Variants in SMARCC1 observed in about 807,000 individuals in gnomAD.
SMARCC1 encodes SWI/SNF complex subunit SMARCC1.
Under a neutral mutation model 147.4 loss-of-function variants are expected in SMARCC1, and 43 were observed. The observed-to-expected ratio is 0.29, with a 90% CI of 0.23 to 0.38. The LOEUF is 0.38. Among genes scored for constraint, SMARCC1 ranks in the 10% least tolerant of loss-of-function variants. The pLI is 1.00. For synonymous variants in SMARCC1, 495 were observed against 484.4 expected, an observed-to-expected ratio of 1.02 and a Z score of -0.29; for missense variants, 1,119 against 1,381.1, an observed-to-expected ratio of 0.81 and a Z score of 3.01.
chr3:47,606,575 A>G (rs1373321603), intron 26 of SMARCC1, among the ~76,000 whole-genome samples: 2 of 152,200 alleles, frequency 1.3e-5, no homozygotes, highest in Non-Finnish European at 2.9e-5. Flanking sequence ...AGCACTCCTT[A>G]GATGTTCTGT....
intron 19 of SMARCC1, among the ~76,000 whole-genome samples, chr3:47,668,863 G>A (rs2033457556): frequency 6.6e-6 from 1 of 151,540 alleles, no homozygotes; most frequent in African/African-American, 2.4e-5. Context: ...CTAGCATGGG[G>A]GAAGGGAGAA....
chr3:47,737,203 C>A (rs1576426731), intron 4 of SMARCC1, among the ~76,000 whole-genome samples: 2 of 152,026 alleles, frequency 1.3e-5, no homozygotes, highest in Admixed American at 6.6e-5. Flanking sequence ...ACCAGCCTGG[C>A]TAACATGGCA....
intron 12 of SMARCC1, among the ~76,000 whole-genome samples, chr3:47,692,540 A>G (rs1273777506): frequency 1.3e-5 from 2 of 152,216 alleles, no homozygotes; most frequent in Non-Finnish European, 2.9e-5. Flanking sequence ...TTCTTATTCA[A>G]TTATATTATT....
chr3:47,628,056 TA>T (rs760127940), intron 24 of SMARCC1, among the ~76,000 whole-genome samples: 1,496 of 145,050 alleles, frequency 0.01, 15 homozygotes, highest in Non-Finnish European at 0.013. Flanking sequence ...TATATATATA[TA>T]TATTTTTTCT....
chr3:47,670,034 T>C (rs910054986), intron 19 of SMARCC1, among the ~76,000 whole-genome samples: 1 of 152,240 alleles, frequency 6.6e-6, no homozygotes, highest in African/African-American at 2.4e-5. Context: ...ATGACACCAA[T>C]TGTCTTAGTA....
intron 25 of SMARCC1, 31 bp from the exon 26 acceptor site, chr3:47,610,358 C>T (rs2032546176): frequency 1.2e-6 from 2 of 1,613,062 alleles, no homozygotes; most frequent in Admixed American, 1.7e-5. Context: ...AGAGAAATGA[C>T]ACCAGAAGAG....
Position 47,708,094 on chromosome 3 carries a change from T to TTTTC in SMARCC1, c.919-1565_919-1564insGAAA, listed in dbSNP as rs1559650588. On this transcript the variant is annotated intron_variant, in intron 9 of 27. Transcript: ENST00000254480. ...GTTGAATTTTTTTTCTTTTTTTTTT[T>TTTTC]TTTTTTTTTTTTTTTTTTTTTTTGA... Among the ~76,000 whole-genome samples, 106 of 108,226 alleles carry TTTTC rather than the reference T, an allele frequency of 9.8e-4. 1 individual carries two copies. Among genetic ancestry groups the TTTTC allele is most frequent in the South Asian group, 3.0e-3 (9 of 3,046 alleles). 71.0% of individuals were successfully genotyped at this position (108,226 alleles called of 152,430 possible). A position where few individuals can be genotyped will look rare whatever the true frequency, so the allele number is the denominator to read the frequency against.
At chr3:47,632,093 ATTC>A (rs1338785792) in intron 24 of SMARCC1, among the ~76,000 whole-genome samples, 2 of 152,160 alleles carry the variant, frequency 1.3e-5, no homozygotes, top group Non-Finnish European at 2.9e-5. Context: ...CTGGAGAGAA[ATTC>A]TTCTTTGGAC....
chr3:47,780,760 C>G (rs1349223703), intron 1 of SMARCC1, among the ~76,000 whole-genome samples: 1 of 151,902 alleles, frequency 6.6e-6, no homozygotes, highest in Non-Finnish European at 1.5e-5. Flanking sequence ...GCTGGGGAGC[C>G]TTTTCGGCTA....
intron 4 of SMARCC1, among the ~76,000 whole-genome samples, chr3:47,737,229 A>G (rs1394068079): frequency 6.6e-6 from 1 of 152,042 alleles, no homozygotes; most frequent in Non-Finnish European, 1.5e-5. Flanking sequence ...CCATTTCTAC[A>G]AAAGATATAA....
chr3:47,675,521 T>C lies in SMARCC1; in HGVS notation c.1793A>G (p.Asn598Ser), dbSNP rs775270703. 1 of 1,613,018 alleles carries C rather than the reference T, an allele frequency of 6.2e-7. No individual in the cohort carries two copies. The highest frequency in any genetic ancestry group is 8.5e-7 in the Non-Finnish European group (1 of 1,179,100). The change falls in exon 18 of 28, where the codon AAC becomes AGC. Residue 598 changes from asparagine to serine, a missense_variant. By Grantham distance (46) the Asn-to-Ser change is conservative (BLOSUM62 1). Transcript: ENST00000254480. ...KNKEKPVDLQ[N>S]FGLRTDIYSK... Reference sequence around the variant, plus strand: ...GTAAATGTCAGTACGGAGACCAAAGTTCTGCAAATCAACTGGTTTTTCCTT... The same window carrying C: ...GTAAATGTCAGTACGGAGACCAAAGCTCTGCAAATCAACTGGTTTTTCCTT...
At chr3:47,596,143 C>A (rs1321440741) in intron 26 of SMARCC1, among the ~76,000 whole-genome samples, 1 of 151,904 alleles carries the variant, frequency 6.6e-6, no homozygotes, top group Non-Finnish European at 1.5e-5. Flanking sequence ...AAAAAGGAGT[C>A]ATGCATGTAG....
rs374157110 is a variant in SMARCC1, at chr3:47,683,335, C to T, written c.1385+2714G>A. 3.0e-4 allele frequency among the ~76,000 whole-genome samples: 45 copies of T among 151,948 alleles called. 7 individuals are homozygous for T. The highest frequency in any genetic ancestry group is 2.0e-3 in the Admixed American group (30 of 15,244). The stretch of plus-strand genomic sequence containing the variant: ...TGCTGGGATTGCAGGTGTGAGCCAT[C>T]GCGCCCGGCCTATTCAGTTGGTTTT... On this transcript the variant is annotated intron_variant, in intron 14 of 27. Transcript: ENST00000254480.
intron 26 of SMARCC1, among the ~76,000 whole-genome samples, chr3:47,606,760 G>A (rs544609851): frequency 1.3e-5 from 2 of 152,102 alleles, no homozygotes; most frequent in South Asian, 4.2e-4. Flanking sequence ...GTGTAACGGT[G>A]CAGTGTCACA....
At chr3:47,675,201 A>T (rs2033554029) in intron 18 of SMARCC1, among the ~76,000 whole-genome samples, 1 of 152,128 alleles carries the variant, frequency 6.6e-6, no homozygotes, top group South Asian at 2.1e-4. Flanking sequence ...AAACCTATCA[A>T]ATAATTTCAA....
Position 47,638,750 on chromosome 3 carries a change from T to C in SMARCC1, c.2351A>G (p.Asp784Gly). 6.2e-7 allele frequency: 1 copy of C among 1,613,702 alleles called. No individual in the cohort carries two copies. The highest frequency in any genetic ancestry group is 8.5e-7 in the Non-Finnish European group (1 of 1,179,596). ...CTTTTCAGGCTGCTGACCATCAGGG[T>C]CGGCTTCCATTTTTTCCTCTTCAGC... ...EGAEEEKMEA[D>G]PDGQQPEKAE... is the part of the protein sequence containing the mutation. The change falls in exon 22 of 28, where the codon GAC becomes GGC. Residue 784 changes from aspartate to glycine, a missense_variant. By Grantham distance (94) the Asp-to-Gly change is moderately conservative. Transcript: ENST00000254480.
chr3:47,719,326 A>T (rs1398681902), intron 7 of SMARCC1, among the ~76,000 whole-genome samples: 1 of 152,200 alleles, frequency 6.6e-6, no homozygotes. Context: ...CTAGGCAAAT[A>T]AATTTCTGAT....
chr3:47,763,307 C>T (rs769474275), intron 2 of SMARCC1, among the ~76,000 whole-genome samples: 1 of 151,102 alleles, frequency 6.6e-6, no homozygotes, highest in Non-Finnish European at 1.5e-5. Context: ...CCACCACACC[C>T]AGCCCTTTTG....
rs755108199 is a variant in SMARCC1, at chr3:47,590,752, G to A, written c.3129C>T (p.Pro1043=). Reference sequence around the variant, plus strand: ...CAGGAGGGGTAGGGCCACTCCCAGAGGGGTGGATGTTGGCTGCAACAGTGG... The same window carrying A: ...CAGGAGGGGTAGGGCCACTCCCAGAAGGGTGGATGTTGGCTGCAACAGTGG... ...MIPTVAANIH[P]SGSGPTPPGM... is the part of the protein sequence containing the mutation. Residue 1043 remains proline, a synonymous_variant, in exon 27 of 28, where the codon CCC becomes CCT. Coordinates refer to ENST00000254480, the MANE Select transcript of SMARCC1 (RefSeq NM_003074.4). 7 of 1,604,834 alleles carry A rather than the reference G, an allele frequency of 4.4e-6. No homozygotes were observed. In the East Asian group the frequency reaches 1.4e-4, roughly 31 times the overall value.
Sources: gnomAD v4.1 joint callset for allele counts (sites outside exome capture counted in the v4.1 genomes callset) on GRCh38, gnomAD v4.1.1 for gene constraint, MANE v1.5 for transcripts, NCBI Gene and HGNC (gene_info 2026-07-23, HGNC 2026-07-21) for gene names.